Variants in PCBP3 observed in about 807,000 individuals in gnomAD.
The protein encoded by PCBP3 is poly(rC) binding protein 3.
Under a neutral mutation model 52.7 loss-of-function variants are expected in PCBP3, and 25 were observed. The ratio of observed to expected loss-of-function variants is 0.47; its 90% CI spans 0.35 to 0.66. PCBP3 has a LOEUF of 0.66. Among genes scored for constraint, PCBP3 ranks in the 30% least tolerant of loss-of-function variants. PCBP3 has a pLI of 0.01. For synonymous variants in PCBP3, 162 were observed against 183.0 expected (o/e 0.89, Z 0.93); for missense variants, 391 against 490.3 (o/e 0.80, Z 1.91).
rs890455317 is a variant in PCBP3, at chr21:45,704,673, T to TC, written c.-199-30717dup. ...GAAATTCATAAAGGGAATATGGAGT[T>TC]CCGTTTACAACAGCAAGAGATGCCT... On this transcript the variant is annotated intron_variant, in intron 2 of 17. Transcript: ENST00000681687. This position sits in a 1 kb window ranked among gnomAD's most constrained non-coding sequence, Gnocchi z 4.1. Among the ~76,000 whole-genome samples the TC allele has an allele frequency of 6.6e-6, 1 of 152,136 alleles. No homozygotes were observed. Among genetic ancestry groups the TC allele is most frequent in the Non-Finnish European group, 1.5e-5 (1 of 68,014 alleles).
chr21:45,896,098 C>A (rs1166120191), intron 5 of PCBP3, 110 bp from the exon 6 acceptor site: 6 of 1,030,244 alleles, frequency 5.8e-6, no homozygotes, highest in Admixed American at 2.1e-5. Flanking sequence ...GGTGGGCAAC[C>A]CCATTCTCCT....
chr21:45,904,164 C>T lies in PCBP3; in HGVS notation c.339+3051C>T, dbSNP rs2096139468. ...ATGTAGGGCTGTGCTGAGTCCTCTACAGTCATTTGTCATCTCTGCCGCAGC... is the reference window on the plus strand; with the variant it reads ...ATGTAGGGCTGTGCTGAGTCCTCTATAGTCATTTGTCATCTCTGCCGCAGC... On this transcript the variant is annotated intron_variant, in intron 9 of 17. Transcript: ENST00000681687. This position sits in a 1 kb window ranked among gnomAD's most constrained non-coding sequence, Gnocchi z 4.8. Among the ~76,000 whole-genome samples the T allele has an allele frequency of 6.6e-6, 1 of 152,136 alleles. No homozygotes were observed. The highest frequency in any genetic ancestry group is 1.5e-5 in the Non-Finnish European group (1 of 68,022).
chr21:45,788,898 C>T lies in PCBP3; in HGVS notation c.-126+33446C>T, dbSNP rs757501797. Among the ~76,000 whole-genome samples the T allele has an allele frequency of 1.3e-5, 2 of 152,180 alleles. No individual in the cohort carries two copies. Among genetic ancestry groups the T allele is most frequent in the Non-Finnish European group, 2.9e-5 (2 of 68,038 alleles). On this transcript the variant is annotated intron_variant, in intron 4 of 17. Coordinates refer to ENST00000681687, the MANE Select transcript of PCBP3 (RefSeq NM_001384156.1). This position sits in a 1 kb window ranked among gnomAD's most constrained non-coding sequence, Gnocchi z 4.3. ...TAGAAACACAGTGGAGCTAATGACA[C>T]ATTTCAGAATTAGAAATGGTTTTAG...
intron 5 of PCBP3, among the ~76,000 whole-genome samples, chr21:45,864,209 C>G (rs2094618254): frequency 6.6e-6 from 1 of 152,154 alleles, no homozygotes; most frequent in East Asian, 1.9e-4. Context: ...ATCACTGCTT[C>G]TGTGGGTGAA....
chr21:45,892,460 T>A (rs143943806), intron 5 of PCBP3, among the ~76,000 whole-genome samples: 1,370 of 82,364 alleles, frequency 0.017, 94 homozygotes, highest in Admixed American at 0.16. Context: ...GTCCCGTCTC[T>A]GACGGGGCGT....
intron 2 of PCBP3, among the ~76,000 whole-genome samples, chr21:45,718,496 C>T (rs534251277): frequency 6.6e-6 from 1 of 152,118 alleles, no homozygotes; most frequent in South Asian, 2.1e-4. Flanking sequence ...TCCTGTTCTG[C>T]CGCTTCCATG....
chr21:45,711,271 T>G (rs1000346662), intron 2 of PCBP3, among the ~76,000 whole-genome samples: 3 of 152,250 alleles, frequency 2.0e-5, no homozygotes, highest in African/African-American at 7.2e-5. Context: ...TATGCACATG[T>G]CTATAGATAT....
At chr21:45,728,738 C>T (rs2085241564) in intron 2 of PCBP3, 1 of 152,066 alleles carries the variant, frequency 6.6e-6, no homozygotes, top group Admixed American at 6.5e-5. Flanking sequence ...ATCTTGAATG[C>T]AGTTTCTTTG....
chr21:45,927,550 C>T (rs1023659613), intron 13 of PCBP3, among the ~76,000 whole-genome samples: 1 of 150,782 alleles, frequency 6.6e-6, no homozygotes, highest in Non-Finnish European at 1.5e-5. Context: ...CTGACTGATC[C>T]CGGGCAGAGC....
In PCBP3 at chr21:45,920,931, G is replaced by A. The variant is rs557370522; in HGVS notation, c.717+3302G>A. ...CATAGCAGCAGGAGTGGACTAAGGC[G>A]CTTGGTTCTTTACTGTGAAGTATCT... On this transcript the variant is annotated intron_variant, in intron 13 of 17. Transcript: ENST00000681687. Among the ~76,000 whole-genome samples, 20 of 152,246 alleles carry A rather than the reference G, an allele frequency of 1.3e-4. No individual in the cohort carries two copies. The East Asian group carries it at 2.7e-3, about 21-fold the overall frequency.
chr21:45,882,357 A>AT (rs1441157529), intron 5 of PCBP3, among the ~76,000 whole-genome samples: 1 of 151,934 alleles, frequency 6.6e-6, no homozygotes, highest in Non-Finnish European at 1.5e-5. Context: ...TTTCTTTGCC[A>AT]TTTTTTTAAA....
chr21:45,879,459 G>A (rs1291687044), intron 5 of PCBP3, among the ~76,000 whole-genome samples: 1 of 152,168 alleles, frequency 6.6e-6, no homozygotes, highest in Non-Finnish European at 1.5e-5. Flanking sequence ...AAAAGGACTG[G>A]GAGAAATGAA....
intron 4 of PCBP3, among the ~76,000 whole-genome samples, chr21:45,808,113 A>G (rs768791136): frequency 5.3e-5 from 8 of 152,230 alleles, no homozygotes; most frequent in South Asian, 2.1e-4. Flanking sequence ...AACCTAGGCA[A>G]TACCATTCAG....
At position 45,941,723 on chromosome 21, in the gene PCBP3, T is replaced by C; in HGVS notation, c.*17T>C. 2 of 1,594,038 alleles carry C rather than the reference T, an allele frequency of 1.3e-6. No individual in the cohort carries two copies. The highest frequency in any genetic ancestry group is 1.7e-6 in the Non-Finnish European group (2 of 1,169,690). On this transcript the variant is annotated 3_prime_UTR_variant, in exon 18 of 18. Transcript: ENST00000681687. ...ACGCTGTAATCCTACCCAGCACCCT[T>C]CCCCCGCGTCACCCACCTGCCAGAG...
intron 2 of PCBP3, among the ~76,000 whole-genome samples, chr21:45,679,580 G>T (rs2081703238): frequency 6.6e-6 from 1 of 151,998 alleles, no homozygotes. Context: ...CTTTATTATG[G>T]TACCTGAAAA....
intron 2 of PCBP3, among the ~76,000 whole-genome samples, chr21:45,698,456 ATCACGTCTCAGAGCC>A (rs1195149349): frequency 6.6e-6 from 1 of 152,254 alleles, no homozygotes; most frequent in Non-Finnish European, 1.5e-5. Flanking sequence ...AATTTCTAGC[ATCACGTCTCAGAGCC>A]TCAGCCTAGC....
At chr21:45,785,575 C>T (rs1352191153) in intron 4 of PCBP3, among the ~76,000 whole-genome samples, 2 of 151,744 alleles carry the variant, frequency 1.3e-5, no homozygotes, top group Non-Finnish European at 1.5e-5. Context: ...TCTGCCCGGC[C>T]GCCCCTACTG....
intron 1 of PCBP3, among the ~76,000 whole-genome samples, chr21:45,646,929 G>A (rs1186723621): frequency 1.3e-5 from 2 of 152,186 alleles, no homozygotes; most frequent in African/African-American, 4.8e-5. Flanking sequence ...AGGCATTCCT[G>A]TTGTGTTAGA....
chr21:45,736,938 G>A lies in PCBP3; in HGVS notation c.-162+1509G>A, dbSNP rs79854527. ...AGTCCTGGTGCTGTGTGAATAGGCCGTCAGGTCAGCCCTGAGACACGGGGC... is the reference window on the plus strand; with the variant it reads ...AGTCCTGGTGCTGTGTGAATAGGCCATCAGGTCAGCCCTGAGACACGGGGC... On this transcript the variant is annotated intron_variant, in intron 3 of 17. Coordinates refer to ENST00000681687, the MANE Select transcript of PCBP3 (RefSeq NM_001384156.1). This position sits in a 1 kb window ranked among gnomAD's most constrained non-coding sequence, Gnocchi z 4.6. Among the ~76,000 whole-genome samples, 26,441 of 151,880 alleles carry A rather than the reference G, an allele frequency of 0.17. 2,913 individuals carry two copies. The highest frequency in any genetic ancestry group is 0.24 in the Non-Finnish European group (16,258 of 67,906).
Sources: gnomAD v4.1 joint callset for allele counts (sites outside exome capture counted in the v4.1 genomes callset) on GRCh38, gnomAD v4.1.1 for gene constraint, Gnocchi (gnomAD v3.1) non-coding constraint, MANE v1.5 for transcripts, NCBI Gene and HGNC (gene_info 2026-07-23, HGNC 2026-07-21) for gene names.